Variants in NFIL3 observed in about 807,000 individuals in gnomAD.
NFIL3 encodes the protein nuclear factor, interleukin 3 regulated, also known as nuclear factor interleukin-3-regulated protein.
Under a neutral mutation model 10.0 loss-of-function variants are expected in NFIL3, and 5 were observed. The observed-to-expected ratio is 0.50, with a 90% CI of 0.26 to 1.06. The LOEUF is 1.06. Ranked by LOEUF, NFIL3 falls within the 50% of genes least tolerant of loss-of-function variation. The pLI, the probability that NFIL3 is intolerant of heterozygous loss-of-function variation, is 0.13. For missense variants in NFIL3, 436 were observed against 547.6 expected, an observed-to-expected ratio of 0.80 and a Z score of 2.03; for synonymous variants, 202 against 206.5, an observed-to-expected ratio of 0.98 and a Z score of 0.19.
chr9:91,476,943 T>C, the NFIL3 span, among the ~76,000 whole-genome samples: 1 of 152,166 alleles, frequency 6.6e-6, no homozygotes, highest in Admixed American at 6.5e-5. Context: ...ATTAGAGGTG[T>C]AAATATTAGA....
At chr9:91,455,430 G>A in the NFIL3 span, among the ~76,000 whole-genome samples, 12 of 152,078 alleles carry the variant, frequency 7.9e-5, no homozygotes, top group Admixed American at 7.2e-4. Flanking sequence ...ATCACTTGTG[G>A]CTTAATGATG....
Position 91,412,098 on chromosome 9 carries a change from CAAAAAAAAAAA to C in NFIL3, c.-172-1203_-172-1193del, listed in dbSNP as rs56891881. ...GCCTGGTGACAGAGCAAGACTCTGTCAAAAAAAAAAAAAAAAAAAAAAAAACCCCACACAAA... is the reference window on the plus strand; with the variant it reads ...GCCTGGTGACAGAGCAAGACTCTGTCAAAAAAAAAAAAAACCCCACACAAA... On this transcript the variant is annotated intron_variant, in intron 1 of 1. Transcript: ENST00000297689. Among the ~76,000 whole-genome samples the C allele has an allele frequency of 3.3e-4, 25 of 76,854 alleles. No individual in the cohort carries two copies. The East Asian group carries it at 8.6e-3, about 26-fold the overall frequency. 50.4% of individuals were successfully genotyped at this position (76,854 alleles called of 152,430 possible).
chr9:91,426,964 G>T (rs78354733), upstream of NFIL3: 17,952 of 152,086 alleles, frequency 0.12, 1,189 homozygotes, highest in South Asian at 0.17. Flanking sequence ...AGCCACACGT[G>T]GACTGTGGCA....
rs1183971968 is a variant in NFIL3 at position 91,415,355 on chromosome 9, C to T, written c.-172-4449G>A. On this transcript the variant is annotated intron_variant, in intron 1 of 1. Transcript: ENST00000297689. ...AGCCTGACCTGCTTTCTTTCATTCACTTTTGGTGACAATTTTCAGATAAGA... is the reference window on the plus strand; with the variant it reads ...AGCCTGACCTGCTTTCTTTCATTCATTTTTGGTGACAATTTTCAGATAAGA... Among the ~76,000 whole-genome samples the T allele has an allele frequency of 3.9e-5, 6 of 152,314 alleles. 1 individual carries two copies. The highest frequency in any genetic ancestry group is 1.4e-4 in the African/African-American group (6 of 41,564).
rs751174089 is a variant in NFIL3, at chr9:91,409,952, T to C, written c.783A>G (p.Leu261=). Residue 261 remains leucine, a synonymous_variant, in exon 2 of 2, where the codon CTA becomes CTG. Transcript: ENST00000297689. ...SFSGYSHSPP[L]LQVNRSSSNS... ...TGCTGGAGGATCGGTTGACTTGCAG[T>C]AGTGGGGGAGAGTGTGAGTACCCAG... is the stretch of plus-strand genomic sequence containing the variant. 1.4e-5 allele frequency: 22 copies of C among 1,613,666 alleles called. No homozygotes were observed. The South Asian group carries it at 2.2e-4, about 16-fold the overall frequency.
At chr9:91,482,379 T>C in the NFIL3 span, among the ~76,000 whole-genome samples, 8,047 of 151,966 alleles carry the variant, frequency 0.053, 382 homozygotes, top group East Asian at 0.17. Flanking sequence ...AAAGAGTACA[T>C]CTGGCCTTTA....
Position 91,409,804 on chromosome 9 carries a change from T to C in NFIL3, c.931A>G (p.Thr311Ala), listed in dbSNP as rs1833506190. The change falls in exon 2 of 2, where the codon ACT (threonine) becomes GCT (alanine). Residue 311 changes from threonine to alanine, a missense_variant. Transcript: ENST00000297689. The stretch of plus-strand genomic sequence containing the variant: ...TTCACTTCTGGAACTTTAACCACAG[T>C]TGCATGCACATGCTTGAGTTCAACT... ...SPVELKHVHA[T>A]VVKVPEVNSS... is the part of the protein sequence containing the mutation. 4 of 1,614,044 alleles carry C rather than the reference T, an allele frequency of 2.5e-6. No homozygotes were observed. Among genetic ancestry groups the C allele is most frequent in the Non-Finnish European group, 3.4e-6 (4 of 1,180,040 alleles).
At chr9:91,429,605 G>A in the NFIL3 span, among the ~76,000 whole-genome samples, 3 of 151,548 alleles carry the variant, frequency 2.0e-5, no homozygotes, top group African/African-American at 7.3e-5. Flanking sequence ...CTCTCCGTTT[G>A]GTAAATGCAC....
At chr9:91,474,842 T>C in the NFIL3 span, among the ~76,000 whole-genome samples, 1 of 152,194 alleles carries the variant, frequency 6.6e-6, no homozygotes, top group Non-Finnish European at 1.5e-5. Context: ...TGTGGCTGTT[T>C]CCCAATACAA....
intron 1 of NFIL3, among the ~76,000 whole-genome samples, chr9:91,417,575 A>G (rs2440590): frequency 0.069 from 10,570 of 152,314 alleles, 460 homozygotes; most frequent in Admixed American, 0.097. Context: ...AGATGAAATA[A>G]GAAAAGAATT....
chr9:91,439,692 T>C, the NFIL3 span, among the ~76,000 whole-genome samples: 7 of 150,236 alleles, frequency 4.7e-5, no homozygotes, highest in African/African-American at 1.7e-4. Context: ...TCCTTCTAAA[T>C]CTAAGCTGTT....
At chr9:91,454,182 C>A in the NFIL3 span, among the ~76,000 whole-genome samples, 4 of 143,048 alleles carry the variant, frequency 2.8e-5, no homozygotes, top group Non-Finnish European at 6.0e-5. Flanking sequence ...TGCAGCGAGC[C>A]AAGATGGCAC....
the NFIL3 span, among the ~76,000 whole-genome samples, chr9:91,460,695 G>T: frequency 3.3e-5 from 5 of 152,262 alleles, no homozygotes; most frequent in African/African-American, 1.2e-4. Flanking sequence ...CCCTGGGGGA[G>T]TTCTGCAAAG....
At chr9:91,421,544 A>T (rs1308472473) in intron 1 of NFIL3, among the ~76,000 whole-genome samples, 1 of 149,632 alleles carries the variant, frequency 6.7e-6, no homozygotes, top group African/African-American at 2.4e-5. Context: ...CCCGCCCGCC[A>T]CTACCAGACC....
At chr9:91,423,977 T>C (rs1478203352), upstream of NFIL3, 86 of 141,500 alleles carry the variant, frequency 6.1e-4, no homozygotes, top group African/African-American at 2.0e-3. Context: ...GGGCGGGCAC[T>C]CCGCGGCCCC....
the NFIL3 span, among the ~76,000 whole-genome samples, chr9:91,458,350 CT>C: frequency 3.3e-5 from 5 of 151,936 alleles, no homozygotes; most frequent in Admixed American, 2.0e-4. Context: ...TATTTATCTT[CT>C]TCAGTGAGCT....
chr9:91,456,019 T>C, the NFIL3 span, among the ~76,000 whole-genome samples: 1 of 152,224 alleles, frequency 6.6e-6, no homozygotes, highest in Non-Finnish European at 1.5e-5. Context: ...TAAAATTTCA[T>C]GTAAGGGAAA....
At chr9:91,429,167 A>G in the NFIL3 span, among the ~76,000 whole-genome samples, 1 of 152,228 alleles carries the variant, frequency 6.6e-6, no homozygotes, top group Admixed American at 6.5e-5. Flanking sequence ...GCTTATCTAA[A>G]CATTTCTGTG....
At chr9:91,479,375 C>T in the NFIL3 span, among the ~76,000 whole-genome samples, 2 of 152,196 alleles carry the variant, frequency 1.3e-5, no homozygotes, top group Non-Finnish European at 2.9e-5. Context: ...GGCAGTCTTG[C>T]TACAGAGGCT....
Sources: allele counts gnomAD v4.1 joint callset (sites outside exome capture counted in the v4.1 genomes callset), GRCh38; gene constraint gnomAD v4.1.1; transcripts MANE v1.5; gene names NCBI Gene and HGNC (gene_info 2026-07-23, HGNC 2026-07-21).